OPLAH: variants seen among roughly 807,000 people sequenced by gnomAD.
OPLAH encodes the protein 5-oxoprolinase, ATP-hydrolysing, also known as 5-oxoprolinase.
A neutral mutation model predicts 122.8 loss-of-function variants in OPLAH; 103 were observed. The ratio of observed to expected loss-of-function variants is 0.84; its 90% confidence interval spans 0.71 to 0.99. The LOEUF (loss-of-function observed/expected upper bound fraction) is 0.99. OPLAH is among the 50% of genes least tolerant of loss of function. The pLI, the probability that OPLAH is intolerant of heterozygous loss-of-function variation, is 0.00. For missense variants in OPLAH, 1,902 were observed against 1,836.5 expected (o/e 1.04, Z -0.65); for synonymous variants, 875 against 796.0 (o/e 1.10, Z -1.67).
intron 3 of OPLAH, 72 bp downstream of exon 3, chr8:144,059,527 T>G: frequency 1.4e-6 from 2 of 1,455,998 alleles, no homozygotes; most frequent in Non-Finnish European, 1.9e-6. Flanking sequence ...ACAACTGCTC[T>G]CCCCACAGGG....
chr8:144,063,324 A>T (rs569235796), upstream of OPLAH, among the ~76,000 whole-genome samples: 15 of 152,214 alleles, frequency 9.9e-5, no homozygotes, highest in Admixed American at 9.8e-4. This position sits in a 1 kb window ranked among gnomAD's most constrained non-coding sequence, Gnocchi z 4.2. Flanking sequence ...CAGAGCTGCT[A>T]CTTCTCACAC....
At chr8:144,050,625 C>T (rs1835350876), downstream of OPLAH, 4 of 985,618 alleles carry the variant, frequency 4.1e-6, no homozygotes. Flanking sequence ...GCCCTGGGCC[C>T]TGGGTATCGC....
rs1554760583 is a variant in OPLAH, at chr8:144,060,056, G to A, written c.-24C>T. 6 of 1,604,290 alleles carry A rather than the reference G, an allele frequency of 3.7e-6. No individual in the cohort carries two copies. The African/African-American group carries it at 6.7e-5, about 18-fold the overall frequency. ...ATGGTGGTGGGGCTGGAGTCCCACA[G>A]GAGCTCTTCAGCTGGTAGCCCTGGA... On this transcript the variant is annotated 5_prime_UTR_variant, in exon 2 of 27. Transcript: ENST00000618853.
In OPLAH at chr8:144,056,273, G is replaced by T. The variant is rs782080797; in HGVS notation, c.1984-14C>A. Reference sequence around the variant, plus strand: ...GCACTGGGTCATCTGCAGAGGGTGCGGGTGAGTACAGCGCCCGGGCCCAGC... The same window carrying T: ...GCACTGGGTCATCTGCAGAGGGTGCTGGTGAGTACAGCGCCCGGGCCCAGC... On this transcript the variant is annotated splice_polypyrimidine_tract_variant and intron_variant, in intron 14 of 26. Transcript: ENST00000618853. 7.5e-6 allele frequency: 12 copies of T among 1,606,448 alleles called. No homozygotes were observed. The Admixed American group carries it at 1.0e-4, about 13-fold the overall frequency.
chr8:144,060,845 C>T (rs1835650955), upstream of OPLAH: 2 of 152,454 alleles, frequency 1.3e-5, no homozygotes, highest in African/African-American at 2.4e-5. Flanking sequence ...TTCCCCGGGC[C>T]ACGGGCGCAG....
In OPLAH at chr8:144,054,596, A is replaced by G. The variant is rs1835461749; in HGVS notation, c.2651T>C (p.Phe884Ser). Residue 884 changes from phenylalanine to serine, a missense_variant, in exon 19 of 27, where the codon TTC (phenylalanine) becomes TCC (serine). Coordinates refer to ENST00000618853, the MANE Select transcript of OPLAH (RefSeq NM_017570.5). ...LQQEGAVFLS[F>S]KLVQGGVFQE... ...GAAGACGCCCCCCTGGACAAGTTTG[A>G]AGGACAGAAAGACGGCACCCTCCTG... 1 of 1,602,506 alleles carries G rather than the reference A, an allele frequency of 6.2e-7. No individual in the cohort carries two copies. Among genetic ancestry groups the G allele is most frequent in the Non-Finnish European group, 8.5e-7 (1 of 1,171,578 alleles).
chr8:144,053,080 G>A lies in OPLAH; in HGVS notation c.2921C>T (p.Ser974Phe), dbSNP rs1554758120. The part of the protein sequence containing the change: ...VRDMLRAFGT[S>F]RQARGLPLEV... ...CAGGGGCAGGCCCCGGGCCTGCCGGGAGGTTCCAAAGGCACGCAACATGTC... is the reference window on the plus strand; with the variant it reads ...CAGGGGCAGGCCCCGGGCCTGCCGGAAGGTTCCAAAGGCACGCAACATGTC... Residue 974 changes from serine (S) to phenylalanine (F), a missense_variant, in exon 21 of 27, where the codon TCC becomes TTC. Coordinates refer to ENST00000618853, the MANE Select transcript of OPLAH (RefSeq NM_017570.5). 6.2e-7 allele frequency: 1 copy of A among 1,605,024 alleles called. No homozygotes were observed. The highest frequency in any genetic ancestry group is 1.3e-5 in the African/African-American group (1 of 74,836).
rs782753004 is a variant in OPLAH at position 144,058,803 on chromosome 8, C to T, written c.557G>A (p.Ser186Asn). The change falls in exon 5 of 27, where the codon AGC becomes AAC. Residue 186 changes from serine (S) to asparagine (N), a missense_variant. By Grantham distance (46) the Ser-to-Asn change is conservative. Transcript: ENST00000618853. The stretch of plus-strand genomic sequence containing the variant: ...CGAGTGCATGAGCACCACAGCCAGG[C>T]TGCGGATGCCTCGAGATAGCAGCCC... Reference protein sequence around the residue: ...LEGLLSRGIRSLAVVLMHSYT... With the variant: ...LEGLLSRGIRNLAVVLMHSYT... 5 of 1,602,524 alleles carry T rather than the reference C, an allele frequency of 3.1e-6. No individual in the cohort carries two copies. The highest frequency in any genetic ancestry group is 1.3e-5 in the African/African-American group (1 of 74,652).
upstream of OPLAH, among the ~76,000 whole-genome samples, chr8:144,062,912 G>T (rs1309722724): frequency 1.3e-5 from 2 of 149,816 alleles, no homozygotes; most frequent in Non-Finnish European, 3.0e-5. Context: ...TGCCTCCTGG[G>T]CTCTCCTGAC....
Position 144,052,503 on chromosome 8 carries a change from C to A in OPLAH, c.3249G>T (p.Ser1083=), listed in dbSNP as rs1487362031. 16 of 1,574,150 alleles carry A rather than the reference C, an allele frequency of 1.0e-5. No individual in the cohort carries two copies. The highest frequency in any genetic ancestry group is 1.3e-5 in the African/African-American group (1 of 74,418). The change falls in exon 23 of 27, where the codon TCG becomes TCT. Residue 1083 remains serine, a synonymous_variant. Coordinates refer to ENST00000618853, the MANE Select transcript of OPLAH (RefSeq NM_017570.5). Reference sequence around the variant, plus strand: ...CCAGGATGACATCCACCACGCGCTGCGACGTGAGCACGTTGCCGCCCACCA... The same window carrying A: ...CCAGGATGACATCCACCACGCGCTGAGACGTGAGCACGTTGCCGCCCACCA... The part of the protein sequence containing the change: ...AAVVGGNVLT[S]QRVVDVILGA...
rs538354138 is a variant in OPLAH at position 144,058,519 on chromosome 8, G to A, written c.760C>T (p.Arg254Cys). The A allele has an allele frequency of 1.0e-5, 16 of 1,587,678 alleles. No individual in the cohort carries two copies. In the South Asian group the frequency reaches 1.2e-4, roughly 12 times the overall value. Residue 254 changes from arginine to cysteine, a missense_variant, in exon 6 of 27, where the codon CGT (arginine) becomes TGT (cysteine). Physicochemically the swap from Arg to Cys is radical, Grantham distance 180. Coordinates refer to ENST00000618853, the MANE Select transcript of OPLAH (RefSeq NM_017570.5). Reference sequence around the variant, plus strand: ...ACCTTGAGTTGGCCCTGGAAGCCACGGCAGAAGCCCTGCACGTAGCGCTGG... The same window carrying A: ...ACCTTGAGTTGGCCCTGGAAGCCACAGCAGAAGCCCTGCACGTAGCGCTGG... ...AIQRYVQGFC[R>C]GFQGQLKDVQ...
chr8:144,059,520 A>G (rs1554760353), intron 3 of OPLAH, 79 bp downstream of exon 3: 4 of 1,431,642 alleles, frequency 2.8e-6, no homozygotes. Flanking sequence ...TAATCCAACA[A>G]CTGCTCTCCC....
Position 144,052,081 on chromosome 8 carries a change from G to A in OPLAH, c.3462-5C>T, listed in dbSNP as rs781974359. ...CGGCGCAGGATGACCGGGTACCTGC[G>A]AGGGCGAGGACGAGGGCAAAGACTC... On this transcript the variant is annotated splice_polypyrimidine_tract_variant and splice_region_variant and intron_variant, in intron 24 of 26. Transcript: ENST00000618853. 1.9e-6 allele frequency: 3 copies of A among 1,578,848 alleles called. No individual in the cohort carries two copies. The highest frequency in any genetic ancestry group is 1.7e-5 in the Admixed American group (1 of 58,334).
In OPLAH at chr8:144,057,512, A is replaced by G; in HGVS notation, c.1358T>C (p.Val453Ala). 1 of 1,599,234 alleles carries G rather than the reference A, an allele frequency of 6.3e-7. No individual in the cohort carries two copies. Among genetic ancestry groups the G allele is most frequent in the Non-Finnish European group, 8.5e-7 (1 of 1,173,538 alleles). Residue 453 changes from valine to alanine, a missense_variant, in exon 10 of 27, where the codon GTG becomes GCG. By Grantham distance (64) the Val-to-Ala change is moderately conservative (BLOSUM62 0). Transcript: ENST00000618853. ...GGCCACGCGCACGAACCCCATGGCC[A>G]CCTCCTCCAGGCTCAGCGGGGAGGC... Reference protein sequence around the residue: ...CPASPLSLEEVAMGFVRVANE... With the variant: ...CPASPLSLEEAAMGFVRVANE...
Position 144,058,400 on chromosome 8 carries a change from A to C in OPLAH, c.788T>G (p.Val263Gly). 1 of 1,589,754 alleles carries C rather than the reference A, an allele frequency of 6.3e-7. No individual in the cohort carries two copies. Among genetic ancestry groups the C allele is most frequent in the Admixed American group, 1.7e-5 (1 of 57,954 alleles). ...CRGFQGQLKD[V>G]QVLFMRSDGG... Reference sequence around the variant, plus strand: ...ATCGGAGCGCATGAACAACACCTGCACATCCTGCGAGCGGGCAGCAGGCGG... The same window carrying C: ...ATCGGAGCGCATGAACAACACCTGCCCATCCTGCGAGCGGGCAGCAGGCGG... Residue 263 changes from valine to glycine, a missense_variant, in exon 7 of 27, where the codon GTG (valine) becomes GGG (glycine). By Grantham distance (109) the Val-to-Gly change is moderately radical. This residue lies in a region of OPLAH where 1,726 missense variants were observed against 1,642.1 expected (regional missense o/e 1.05). Transcript: ENST00000618853.
At position 144,055,479 on chromosome 8, in the gene OPLAH, C is replaced by T. The variant is rs566222047; in HGVS notation, c.2249-290G>A. Among the ~76,000 whole-genome samples the T allele has an allele frequency of 1.3e-5, 2 of 152,172 alleles. No individual in the cohort carries two copies. The highest frequency in any genetic ancestry group is 4.1e-4 in the South Asian group (2 of 4,822). On this transcript the variant is annotated intron_variant, in intron 16 of 26. Transcript: ENST00000618853. This position sits in a 1 kb window ranked among gnomAD's most constrained non-coding sequence, Gnocchi z 6.5. Reference sequence around the variant, plus strand: ...AAGAACCTGGTTCCTAGGCTCTTGACCTCTGGGCTCCCAGCAAGCCGCTGG... The same window carrying T: ...AAGAACCTGGTTCCTAGGCTCTTGATCTCTGGGCTCCCAGCAAGCCGCTGG...
At chr8:144,061,035 C>G (rs1835654217), upstream of OPLAH, among the ~76,000 whole-genome samples, 1 of 152,188 alleles carries the variant, frequency 6.6e-6, no homozygotes, top group South Asian at 2.1e-4. Flanking sequence ...CGTTGAAGGA[C>G]AGAGAGGAGA....
At chr8:144,051,637 C>T (rs1004197947) in intron 26 of OPLAH, 92 bp downstream of exon 26, 8 of 1,244,384 alleles carry the variant, frequency 6.4e-6, no homozygotes, top group Non-Finnish European at 8.9e-6. Context: ...TTAAACTCGG[C>T]CTCTGGTCAG....
rs367953164 is a variant in OPLAH at position 144,057,595 on chromosome 8, T to A, written c.1275A>T (p.Lys425Asn). The A allele has an allele frequency of 4.7e-5, 75 of 1,585,520 alleles. No individual in the cohort carries two copies. The highest frequency in any genetic ancestry group is 6.3e-5 in the Non-Finnish European group (74 of 1,165,374). Residue 425 changes from lysine to asparagine, a missense_variant, in exon 10 of 27, where the codon AAA (lysine) becomes AAT (asparagine). Lys to Asn is a moderately conservative substitution (Grantham distance 94). Transcript: ENST00000618853. ...CCTCAGTGGCCACAGCCTCCAGGGC[T>A]TTGCGGGAGGCCTCAGGGGAAAGTG... ...NQPLSPEASR[K>N]ALEAVATEVN...
Sources: allele counts gnomAD v4.1 joint callset (sites outside exome capture counted in the v4.1 genomes callset), GRCh38; gene constraint gnomAD v4.1.1; regional missense constraint gnomAD v4.1.1; non-coding constraint Gnocchi (gnomAD v3.1); transcripts MANE v1.5; gene names NCBI Gene and HGNC (gene_info 2026-07-23, HGNC 2026-07-21).